The following DAB1 variants were observed in gnomAD, a reference collection of about 807,000 sequenced individuals.
The protein encoded by DAB1 is DAB adaptor protein 1.
A neutral mutation model predicts 64.6 loss-of-function variants in DAB1; 15 were observed. The ratio of observed to expected loss-of-function variants is 0.23; its 90% CI spans 0.16 to 0.36. DAB1 has a LOEUF of 0.36. DAB1 is among the 10% of genes least tolerant of loss of function. The probability of loss-of-function intolerance (pLI) is 1.00; values close to 1 mark genes in which losing one functional copy is unlikely to be tolerated. For missense variants in DAB1, 596 were observed against 706.7 expected, an observed-to-expected ratio of 0.84 and a Z score of 1.78; for synonymous variants, 235 against 251.9, an observed-to-expected ratio of 0.93 and a Z score of 0.64.
chr1:57,042,475 G>A (rs1390701409), intron 9 of DAB1, among the ~76,000 whole-genome samples: 2 of 152,070 alleles, frequency 1.3e-5, no homozygotes, highest in Admixed American at 6.5e-5. Flanking sequence ...ATGACCCTCA[G>A]GATGGATTAG....
intron 4 of DAB1, among the ~76,000 whole-genome samples, chr1:58,194,275 A>G (rs758559142): frequency 1.1e-4 from 16 of 152,214 alleles, no homozygotes; most frequent in Admixed American, 3.3e-4. Context: ...CCTATGTGAT[A>G]TTTGCTATTT....
chr1:57,066,643 A>G (rs1207399966), intron 8 of DAB1, among the ~76,000 whole-genome samples: 1 of 152,164 alleles, frequency 6.6e-6, no homozygotes, highest in African/African-American at 2.4e-5. Flanking sequence ...GTTATGTTCT[A>G]TTTCACTTAA....
intron 6 of DAB1, among the ~76,000 whole-genome samples, chr1:57,678,601 A>C (rs1646596680): frequency 1.3e-5 from 2 of 152,132 alleles, no homozygotes; most frequent in African/African-American, 4.8e-5. Context: ...CTAGGAAAAG[A>C]GGCCTGAGGA....
rs147548993 is a variant in DAB1, at chr1:57,587,488, C to G, written n.625+62104G>C. Among the ~76,000 whole-genome samples the G allele has an allele frequency of 8.5e-5, 13 of 152,138 alleles. No individual in the cohort carries two copies. In the East Asian group the frequency reaches 2.3e-3, roughly 27 times the overall value. ...AGAAAGATTGTATAATGTTATTTTC[C>G]AGGTCACACAGTTAATAAAGGGCAG... On this transcript the variant is annotated intron_variant and non_coding_transcript_variant, in intron 7 of 20. Transcript: ENST00000485760.
chr1:57,403,631 A>G (rs942246094), intron 1 of DAB1, among the ~76,000 whole-genome samples: 2 of 152,214 alleles, frequency 1.3e-5, no homozygotes, highest in African/African-American at 4.8e-5. Flanking sequence ...AGGTATAGAA[A>G]GGAAAAATAC....
chr1:58,108,246 G>T (rs954751043), intron 5 of DAB1, among the ~76,000 whole-genome samples: 3 of 152,136 alleles, frequency 2.0e-5, no homozygotes, highest in African/African-American at 7.2e-5. Context: ...TGTAGGGAGG[G>T]CCCTGGTAAT....
chr1:57,318,013 C>T (rs547811439), intron 1 of DAB1, among the ~76,000 whole-genome samples: 18 of 152,236 alleles, frequency 1.2e-4, no homozygotes, highest in African/African-American at 3.1e-4. Context: ...CCATTTGTAT[C>T]TAAGTTCATT....
rs781235734 is a variant in DAB1 at position 57,015,322 on chromosome 1, C to T, written c.1005G>A (p.Gly335=). ...GCTGGCCCCATGCGATGGGCTGAGC[C>T]CCCGGCATCACCTGAGCGACTGGTG... ...AQPPVAQVMP[G]AQPIAWGQPG... is the part of the protein sequence containing the mutation. Residue 335 remains glycine (G), a synonymous_variant, in exon 12 of 15, where the codon GGG becomes GGA. Coordinates refer to ENST00000371236, the MANE Select transcript of DAB1 (RefSeq NM_001365792.1). 1.2e-6 allele frequency: 2 copies of T among 1,613,948 alleles called. No individual in the cohort carries two copies. Among genetic ancestry groups the T allele is most frequent in the Non-Finnish European group, 1.7e-6 (2 of 1,180,032 alleles).
At chr1:58,190,417 C>G (rs1475231611) in intron 4 of DAB1, among the ~76,000 whole-genome samples, 1 of 152,178 alleles carries the variant, frequency 6.6e-6, no homozygotes, top group African/African-American at 2.4e-5. Flanking sequence ...CCCCACTTCT[C>G]TAATTCTTGA....
At chr1:57,831,974 T>A (rs1367015640) in intron 1 of DAB1, among the ~76,000 whole-genome samples, 3 of 152,116 alleles carry the variant, frequency 2.0e-5, no homozygotes, top group African/African-American at 7.2e-5. Flanking sequence ...AAACTTACAT[T>A]CCAGTGGAGA....
At position 57,182,646 on chromosome 1, in the gene DAB1, G is replaced by A. The variant is rs988209206; in HGVS notation, c.68-37217C>T. On this transcript the variant is annotated intron_variant, in intron 2 of 14. Coordinates refer to ENST00000371236, the MANE Select transcript of DAB1 (RefSeq NM_001365792.1). ...AGATAGTATAATGTAACTATAAAAC[G>A]TATATTAGTTTCACAGTGGAGGTGA... 6.6e-5 allele frequency among the ~76,000 whole-genome samples: 10 copies of A among 152,166 alleles called. No homozygotes were observed. In the South Asian group the frequency reaches 8.3e-4, roughly 13 times the overall value.
intron 6 of DAB1, among the ~76,000 whole-genome samples, chr1:57,726,270 A>G (rs969446287): frequency 9.2e-5 from 14 of 152,226 alleles, no homozygotes; most frequent in African/African-American, 1.2e-4. Context: ...TCATCACTTC[A>G]TCTATCACAG....
intron 1 of DAB1, among the ~76,000 whole-genome samples, chr1:57,300,853 C>T (rs551525386): frequency 4.6e-4 from 70 of 152,208 alleles, no homozygotes; most frequent in Non-Finnish European, 7.6e-4. Context: ...AAAATGCATA[C>T]ATTGGTGAAG....
intron 5 of DAB1, among the ~76,000 whole-genome samples, chr1:57,983,961 A>G (rs1388473229): frequency 6.6e-6 from 1 of 152,078 alleles, no homozygotes; most frequent in African/African-American, 2.4e-5. Context: ...CCAATGTATA[A>G]AAACATACAC....
At chr1:58,498,955 T>C (rs1026116295) in intron 3 of DAB1, among the ~76,000 whole-genome samples, 1 of 152,102 alleles carries the variant, frequency 6.6e-6, no homozygotes, top group African/African-American at 2.4e-5. Flanking sequence ...TAAGGCCACC[T>C]TGACATAGGA....
At chr1:57,480,580 G>A (rs1050267483) in intron 7 of DAB1, among the ~76,000 whole-genome samples, 1 of 151,866 alleles carries the variant, frequency 6.6e-6, no homozygotes, top group Admixed American at 6.6e-5. Flanking sequence ...TGCCTCCCAG[G>A]TTCAAATGAT....
At position 56,995,348 on chromosome 1, in the gene DAB1, T is replaced by C. The variant is rs1022838383; in HGVS notation, c.*2796A>G. The C allele has an allele frequency of 2.0e-5, 3 of 152,272 alleles. No homozygotes were observed. The highest frequency in any genetic ancestry group is 4.4e-5 in the Non-Finnish European group (3 of 68,072). 9.4% of individuals were successfully genotyped at this position (152,272 alleles called of 1,614,324 possible). A position where few individuals can be genotyped will look rare whatever the true frequency, so the allele number is the denominator to read the frequency against. On this transcript the variant is annotated 3_prime_UTR_variant, in exon 15 of 15. Transcript: ENST00000371236. ...CTCAGCTCTTGCTTGGAAATTTCAC[T>C]GTACTCCTGGGACAGGATACGGTGC...
At chr1:57,958,206 G>A (rs1645437079) in intron 5 of DAB1, among the ~76,000 whole-genome samples, 1 of 152,082 alleles carries the variant, frequency 6.6e-6, no homozygotes, top group South Asian at 2.1e-4. Flanking sequence ...TCGAACTCCT[G>A]ACCTCAAGTG....
intron 1 of DAB1, among the ~76,000 whole-genome samples, chr1:57,292,949 C>G (rs1570186514): frequency 6.6e-6 from 1 of 152,070 alleles, no homozygotes; most frequent in Non-Finnish European, 1.5e-5. Flanking sequence ...AAGCCCTACT[C>G]TGTGAGATGT....
Sources: allele counts gnomAD v4.1 joint callset (sites outside exome capture counted in the v4.1 genomes callset), GRCh38; gene constraint gnomAD v4.1.1; transcripts MANE v1.5; gene names NCBI Gene and HGNC (gene_info 2026-07-23, HGNC 2026-07-21).